The following ROBO2 variants were observed in gnomAD, a reference collection of about 807,000 sequenced individuals.
ROBO2 encodes roundabout guidance receptor 2.
ROBO2 carries 53 observed loss-of-function variants against 160.8 expected under a neutral mutation model. The ratio of observed to expected loss-of-function variants is 0.33; its 90% confidence interval spans 0.26 to 0.41. ROBO2 has a LOEUF of 0.41. ROBO2 is among the 10% of genes least tolerant of loss of function. The probability of loss-of-function intolerance (pLI) is 1.00; values close to 1 mark genes in which losing one functional copy is unlikely to be tolerated. For synonymous variants in ROBO2, 664 were observed against 611.7 expected (o/e 1.09, Z -1.26); for missense variants, 1,577 against 1,722.4 (o/e 0.92, Z 1.49).
rs144588732 is a variant in ROBO2, at chr3:76,525,355, C to T, written c.110-572659C>T. ...TTTTAAATATATTTCTTCTAAATAG[C>T]TTATAAAACACATTTTAAAATAAGG... On this transcript the variant is annotated intron_variant, in intron 2 of 26. Coordinates refer to the ROBO2 transcript ENST00000487694. 4.4e-3 allele frequency among the ~76,000 whole-genome samples: 667 copies of T among 151,876 alleles called. 7 individuals are homozygous for T. Among genetic ancestry groups the T allele is most frequent in the African/African-American group, 0.015 (609 of 41,500 alleles).
intron 2 of ROBO2, among the ~76,000 whole-genome samples, chr3:76,774,061 C>T (rs372408830): frequency 1.7e-4 from 26 of 150,766 alleles, no homozygotes; most frequent in African/African-American, 6.1e-4. Context: ...GGCTTCAAGT[C>T]ATTGAATAAT....
chr3:77,477,956 A>G (rs2084228173), intron 3 of ROBO2, among the ~76,000 whole-genome samples: 1 of 147,468 alleles, frequency 6.8e-6, no homozygotes, highest in Non-Finnish European at 1.5e-5. Context: ...CTTCCCAAGT[A>G]GCTGGGACTA....
At chr3:76,500,310 G>A (rs531973992) in intron 2 of ROBO2, among the ~76,000 whole-genome samples, 85 of 152,138 alleles carry the variant, frequency 5.6e-4, no homozygotes, top group Non-Finnish European at 9.6e-4. Context: ...GTAGAGACAG[G>A]GTTTCATCAT....
At chr3:77,530,448 G>A (rs2091600479) in intron 6 of ROBO2, among the ~76,000 whole-genome samples, 1 of 151,970 alleles carries the variant, frequency 6.6e-6, no homozygotes, top group African/African-American at 2.4e-5. Flanking sequence ...ATGCATTTGT[G>A]TTAAAGAATT....
At chr3:76,429,982 C>T (rs1018394603) in intron 2 of ROBO2, among the ~76,000 whole-genome samples, 1 of 152,104 alleles carries the variant, frequency 6.6e-6, no homozygotes, top group Non-Finnish European at 1.5e-5. Flanking sequence ...CCTGGACAAC[C>T]TGCCCAGGAC....
At position 76,217,174 on chromosome 3, in the gene ROBO2, G is replaced by T. The variant is rs928291419; in HGVS notation, c.109+279572G>T. On this transcript the variant is annotated intron_variant, in intron 2 of 26. Coordinates refer to the ROBO2 transcript ENST00000487694. ...GACACATTCAAAGCAGTGTGTAGAT[G>T]GAAATTTGTAGCACTAAATGTCCAC... Among the ~76,000 whole-genome samples, 13 of 152,136 alleles carry T rather than the reference G, an allele frequency of 8.5e-5. No homozygotes were observed. In the East Asian group the frequency reaches 1.9e-3, roughly 23 times the overall value.
chr3:77,067,420 G>A (rs2066973280), intron 1 of ROBO2, among the ~76,000 whole-genome samples: 1 of 152,120 alleles, frequency 6.6e-6, no homozygotes, highest in Non-Finnish European at 1.5e-5. Context: ...AGACAACTGT[G>A]AGTACAGAAA....
intron 2 of ROBO2, among the ~76,000 whole-genome samples, chr3:75,982,067 T>C (rs1395184932): frequency 6.6e-6 from 1 of 151,638 alleles, no homozygotes; most frequent in Non-Finnish European, 1.5e-5. Flanking sequence ...CTTAATGATC[T>C]CCAGTTCCAT....
intron 2 of ROBO2, among the ~76,000 whole-genome samples, chr3:76,644,552 C>T (rs891920508): frequency 3.9e-5 from 6 of 152,116 alleles, no homozygotes; most frequent in Non-Finnish European, 8.8e-5. Context: ...GTATTTCTGC[C>T]TTCTCCTGAT....
intron 20 of ROBO2, among the ~76,000 whole-genome samples, chr3:77,605,092 G>T (rs921328270): frequency 8.0e-5 from 12 of 150,800 alleles, no homozygotes; most frequent in African/African-American, 2.7e-4. Context: ...TTGAGCCTGA[G>T]AAGTTGAGCC....
intron 2 of ROBO2, among the ~76,000 whole-genome samples, chr3:75,994,927 G>A (rs982731421): frequency 1.3e-5 from 2 of 152,196 alleles, no homozygotes; most frequent in Non-Finnish European, 2.9e-5. Flanking sequence ...GAAATGGAAA[G>A]TTTTAGCAAA....
intron 2 of ROBO2, among the ~76,000 whole-genome samples, chr3:76,451,580 G>T: frequency 6.6e-6 from 1 of 152,254 alleles, no homozygotes; most frequent in Middle Eastern, 3.4e-3. Context: ...TGCTCCAGGT[G>T]AATGGGGGAC....
At chr3:76,530,763 G>T (rs2082181955) in intron 2 of ROBO2, among the ~76,000 whole-genome samples, 2 of 152,118 alleles carry the variant, frequency 1.3e-5, no homozygotes, top group Admixed American at 1.3e-4. Context: ...TTATAATTTG[G>T]GGGAATAAAA....
At position 76,953,907 on chromosome 3, in the gene ROBO2, G is replaced by A. The variant is rs141757354; in HGVS notation, c.110-144107G>A. ...GGCCGGCATCCTCTGTTCCACCAGA[G>A]TAAGTCTCTACTCAAAAGTACTTTG... On this transcript the variant is annotated intron_variant, in intron 2 of 26. Coordinates refer to the ROBO2 transcript ENST00000487694. Among the ~76,000 whole-genome samples the A allele has an allele frequency of 8.9e-4, 135 of 152,318 alleles. 2 individuals carry two copies. The highest frequency in any genetic ancestry group is 6.7e-3 in the Admixed American group (102 of 15,290).
intron 2 of ROBO2, among the ~76,000 whole-genome samples, chr3:77,138,322 G>A (rs182548701): frequency 6.6e-6 from 1 of 152,300 alleles, no homozygotes. Flanking sequence ...AGAGTACAAT[G>A]TAGCATAATT....
At chr3:76,867,394 A>G (rs1157656280) in intron 2 of ROBO2, among the ~76,000 whole-genome samples, 2 of 152,136 alleles carry the variant, frequency 1.3e-5, no homozygotes, top group Non-Finnish European at 2.9e-5. Context: ...ATAAATGTTT[A>G]TGTATGTTAT....
At chr3:77,636,815 T>C (rs1260326876) in intron 24 of ROBO2, among the ~76,000 whole-genome samples, 1 of 152,224 alleles carries the variant, frequency 6.6e-6, no homozygotes, top group African/African-American at 2.4e-5. Flanking sequence ...AAGATATCCA[T>C]GTTCGATAAT....
intron 2 of ROBO2, among the ~76,000 whole-genome samples, chr3:76,214,864 C>A (rs944971175): frequency 6.6e-6 from 1 of 152,218 alleles, no homozygotes; most frequent in African/African-American, 2.4e-5. Flanking sequence ...AGACTGCCTC[C>A]TCAAGTGGGT....
rs72900117 is a variant in ROBO2 at position 76,926,917 on chromosome 3, A to G, written c.110-171097A>G. Among the ~76,000 whole-genome samples the G allele has an allele frequency of 7.9e-3, 1,204 of 152,046 alleles. 16 individuals are homozygous for G. Among genetic ancestry groups the G allele is most frequent in the African/African-American group, 0.027 (1,126 of 41,454 alleles). The stretch of plus-strand genomic sequence containing the variant: ...ACTCCGTTTTTTTTCAAGCATTCAA[A>G]GCCTAGCAGCAAATAATGGTGGAAA... On this transcript the variant is annotated intron_variant, in intron 2 of 26. Coordinates refer to the ROBO2 transcript ENST00000487694.
Sources: allele counts gnomAD v4.1 joint callset (sites outside exome capture counted in the v4.1 genomes callset), GRCh38; gene constraint gnomAD v4.1.1; transcripts MANE v1.5; gene names NCBI Gene and HGNC (gene_info 2026-07-23, HGNC 2026-07-21).